CSMD1: variants seen among roughly 807,000 people sequenced by gnomAD.
CSMD1 encodes the protein CUB and sushi domain-containing protein 1.
In CSMD1, 213 loss-of-function variants were observed where a neutral mutation model predicts 417.5. The observed-to-expected ratio is 0.51, with a 90% CI of 0.46 to 0.57. CSMD1 has a LOEUF of 0.57. Among genes scored for constraint, CSMD1 ranks in the 20% least tolerant of loss-of-function variants. CSMD1 has a pLI of 0.00. For synonymous variants in CSMD1, 2,862 were observed against 1,736.8 expected (o/e 1.65, Z -16.11); for missense variants, 6,923 against 4,529.7 (o/e 1.53, Z -15.17).
intron 7 of CSMD1, among the ~76,000 whole-genome samples, chr8:3,659,469 C>A (rs560766996): frequency 8.0e-4 from 122 of 152,274 alleles, no homozygotes; most frequent in Non-Finnish European, 1.5e-3. Context: ...CTCCGAAACA[C>A]AGAAGCAGAT....
intron 1 of CSMD1, among the ~76,000 whole-genome samples, chr8:4,908,782 G>C (rs1339631498): frequency 6.6e-6 from 1 of 151,908 alleles, no homozygotes; most frequent in Admixed American, 6.6e-5. Flanking sequence ...TGCTTGCATA[G>C]CTTATCTGCT....
chr8:4,525,044 T>G (rs1465380562), intron 2 of CSMD1, among the ~76,000 whole-genome samples: 1 of 152,176 alleles, frequency 6.6e-6, no homozygotes, highest in Admixed American at 6.6e-5. Flanking sequence ...ATTCAATATT[T>G]TCTGTTAACG....
In CSMD1 at chr8:3,359,325, G is replaced by A; in HGVS notation, c.3131C>T (p.Pro1044Leu). 6.2e-7 allele frequency: 1 copy of A among 1,613,446 alleles called. No homozygotes were observed. Among genetic ancestry groups the A allele is most frequent in the Non-Finnish European group, 8.5e-7 (1 of 1,179,726 alleles). ...GGCAGGGACTCCAGGATCATCACAT[G>A]GCTCCAGGTCATATTCTGAGGCATG... ...NITFSEYDLE[P>L]CDDPGVPAFS... is the part of the protein sequence containing the mutation. Residue 1044 changes from proline (P) to leucine (L), a missense_variant, in exon 21 of 70, where the codon CCA becomes CTA. Coordinates refer to ENST00000635120, the MANE Select transcript of CSMD1 (RefSeq NM_033225.6).
chr8:3,200,176 T>G (rs977383514), intron 32 of CSMD1, among the ~76,000 whole-genome samples: 2 of 152,092 alleles, frequency 1.3e-5, no homozygotes, highest in African/African-American at 4.8e-5. Context: ...CTTAAAAAAT[T>G]TTTAAAAGTA....
chr8:4,183,734 A>C (rs1245218433), intron 3 of CSMD1, among the ~76,000 whole-genome samples: 1 of 152,236 alleles, frequency 6.6e-6, no homozygotes, highest in East Asian at 1.9e-4. Flanking sequence ...ATATCATTTT[A>C]AAAGATTAGT....
intron 3 of CSMD1, among the ~76,000 whole-genome samples, chr8:4,293,419 G>T (rs1365987279): frequency 6.6e-6 from 1 of 152,028 alleles, no homozygotes; most frequent in African/African-American, 2.4e-5. Flanking sequence ...CAAAGCTACG[G>T]CTAAAAAGTG....
Position 3,201,666 on chromosome 8 carries a change from C to A in CSMD1, c.5044G>T (p.Asp1682Tyr). 1 of 1,606,842 alleles carries A rather than the reference C, an allele frequency of 6.2e-7. No individual in the cohort carries two copies. Among genetic ancestry groups the A allele is most frequent in the East Asian group, 2.2e-5 (1 of 44,710 alleles). ...AGTCTGGCCTGTGCATGGGTTCCATCAAATAATTCTGCCAAATCATTCAGG... is the reference window on the plus strand; with the variant it reads ...AGTCTGGCCTGTGCATGGGTTCCATAAAATAATTCTGCCAAATCATTCAGG... ...TALNDLAELF[D>Y]GTHAQARLLS... is the part of the protein sequence containing the mutation. The change falls in exon 32 of 70, where the codon GAT becomes TAT. Residue 1682 changes from aspartate (D) to tyrosine (Y), a missense_variant. Transcript: ENST00000635120.
intron 7 of CSMD1, among the ~76,000 whole-genome samples, chr8:3,648,293 C>G (rs1043971986): frequency 6.6e-6 from 1 of 152,214 alleles, no homozygotes; most frequent in Admixed American, 6.5e-5. Context: ...TATTTCAAAT[C>G]TGCCCTACAA....
intron 4 of CSMD1, among the ~76,000 whole-genome samples, chr8:4,023,890 T>G (rs984917010): frequency 6.7e-6 from 1 of 149,450 alleles, no homozygotes; most frequent in Non-Finnish European, 1.5e-5. Context: ...GTGCTGGGAT[T>G]ACAGGCGTGA....
intron 4 of CSMD1, among the ~76,000 whole-genome samples, chr8:4,017,097 G>A (rs921053977): frequency 1.3e-5 from 2 of 152,174 alleles, no homozygotes; most frequent in African/African-American, 4.8e-5. Context: ...AGTGACCGCG[G>A]TGTTCAGCCA....
At chr8:4,143,524 GT>G (rs1803923288) in intron 3 of CSMD1, among the ~76,000 whole-genome samples, 1 of 150,892 alleles carries the variant, frequency 6.6e-6, no homozygotes, top group Non-Finnish European at 1.5e-5. Flanking sequence ...TTGATATTAA[GT>G]TTATATCAAA....
At chr8:4,865,211 G>T (rs945384264) in intron 1 of CSMD1, among the ~76,000 whole-genome samples, 2 of 151,484 alleles carry the variant, frequency 1.3e-5, no homozygotes, top group East Asian at 3.9e-4. Context: ...ATAATGATAA[G>T]TCCTTTATTT....
intron 5 of CSMD1, among the ~76,000 whole-genome samples, chr8:3,930,055 G>A (rs1387292966): frequency 6.7e-6 from 1 of 150,262 alleles, no homozygotes; most frequent in Non-Finnish European, 1.5e-5. Context: ...CTGAGAGGGG[G>A]TATGTGTTAC....
chr8:4,486,527 C>T (rs1801426065), intron 2 of CSMD1, among the ~76,000 whole-genome samples: 1 of 151,546 alleles, frequency 6.6e-6, no homozygotes, highest in Non-Finnish European at 1.5e-5. Context: ...ACATTTTTAT[C>T]TGTTTAGTAA....
chr8:4,665,987 C>T (rs1804893678), intron 1 of CSMD1, among the ~76,000 whole-genome samples: 1 of 152,140 alleles, frequency 6.6e-6, no homozygotes, highest in African/African-American at 2.4e-5. Flanking sequence ...TGTAATATTG[C>T]ATGAACTCTG....
intron 7 of CSMD1, among the ~76,000 whole-genome samples, chr8:3,671,259 T>TAC (rs1491439225): frequency 2.1e-5 from 2 of 94,104 alleles, no homozygotes; most frequent in African/African-American, 6.4e-5. Flanking sequence ...TATATATATG[T>TAC]ATATATATAT....
In CSMD1 at chr8:4,014,297, C is replaced by T. The variant is rs1055004256; in HGVS notation, c.611-16187G>A. On this transcript the variant is annotated intron_variant, in intron 4 of 69. Coordinates refer to ENST00000635120, the MANE Select transcript of CSMD1 (RefSeq NM_033225.6). ...AGACACTAATTATGGCATTGCGTGT[C>T]GAAGTGAACATGGGAAACATTCATC... Among the ~76,000 whole-genome samples the T allele has an allele frequency of 7.9e-5, 12 of 152,200 alleles. 1 individual carries two copies. The highest frequency in any genetic ancestry group is 4.6e-4 in the Admixed American group (7 of 15,286).
At chr8:4,621,854 G>C (rs937554321) in intron 2 of CSMD1, among the ~76,000 whole-genome samples, 4 of 151,890 alleles carry the variant, frequency 2.6e-5, no homozygotes, top group Admixed American at 2.0e-4. Context: ...CTGTACTCTG[G>C]AATGAGAAGT....
At chr8:4,950,444 C>T (rs1335291300) in intron 1 of CSMD1, among the ~76,000 whole-genome samples, 1 of 152,054 alleles carries the variant, frequency 6.6e-6, no homozygotes, top group Non-Finnish European at 1.5e-5. Context: ...AACGACTCAA[C>T]TTGTGAAAAA....
Sources: gnomAD v4.1 joint callset for allele counts (sites outside exome capture counted in the v4.1 genomes callset) on GRCh38, gnomAD v4.1.1 for gene constraint, MANE v1.5 for transcripts, NCBI Gene and HGNC (gene_info 2026-07-23, HGNC 2026-07-21) for gene names.